ROCK1: variants seen among roughly 807,000 people sequenced by gnomAD.
ROCK1 encodes rho-associated protein kinase 1.
Under a neutral mutation model 196.8 loss-of-function variants are expected in ROCK1, and 36 were observed. The ratio of observed to expected loss-of-function variants is 0.18; its 90% CI spans 0.14 to 0.24. The LOEUF is 0.24. Ranked by LOEUF, ROCK1 falls within the 10% of genes least tolerant of loss-of-function variation. The pLI is 1.00. For synonymous variants in ROCK1, 443 were observed against 515.9 expected, an observed-to-expected ratio of 0.86 and a Z score of 1.91; for missense variants, 920 against 1,562.0, an observed-to-expected ratio of 0.59 and a Z score of 6.93.
At chr18:21,094,446 A>C (rs1479033307) in intron 1 of ROCK1, among the ~76,000 whole-genome samples, 3 of 152,150 alleles carry the variant, frequency 2.0e-5, no homozygotes, top group African/African-American at 7.2e-5. Context: ...AAATGGGCAA[A>C]GGATCTGAAT....
At chr18:20,998,597 CT>C (rs541265477) in intron 16 of ROCK1, among the ~76,000 whole-genome samples, 2,595 of 97,306 alleles carry the variant, frequency 0.027, 7 homozygotes, top group Middle Eastern at 0.052. Flanking sequence ...TTTTACCAAA[CT>C]TTTTTTTTTT....
At chr18:21,059,989 T>C (rs2143534149) in intron 2 of ROCK1, among the ~76,000 whole-genome samples, 1 of 152,322 alleles carries the variant, frequency 6.6e-6, no homozygotes, top group Admixed American at 6.5e-5. Context: ...TCGGCAAATC[T>C]ATAGAGACAG....
intron 12 of ROCK1, 43 bp downstream of exon 12, chr18:21,020,108 T>C: frequency 8.8e-7 from 1 of 1,139,704 alleles, no homozygotes; most frequent in Non-Finnish European, 1.3e-6. Context: ...AAGTATTTGG[T>C]ATATAAAACT....
rs1372203981 is a variant in ROCK1, at chr18:20,950,031, T to G, written c.*1353A>C. On this transcript the variant is annotated 3_prime_UTR_variant, in exon 33 of 33. Coordinates refer to ENST00000399799, the MANE Select transcript of ROCK1 (RefSeq NM_005406.3). ...TAGAGACGATCGGTTTTCCAGTGCT[T>G]CTTATCTGATACACATTACTGCAAA... The G allele has an allele frequency of 5.2e-5, 8 of 152,674 alleles. No homozygotes were observed. The highest frequency in any genetic ancestry group is 8.8e-5 in the Non-Finnish European group (6 of 68,050). The allele number at this position is 152,674 out of a possible 1,614,324, so 9.5% of individuals were successfully genotyped here.
At chr18:21,078,417 GTTA>G (rs1489567067) in intron 1 of ROCK1, among the ~76,000 whole-genome samples, 2 of 151,390 alleles carry the variant, frequency 1.3e-5, no homozygotes, top group East Asian at 3.9e-4. Flanking sequence ...TGTGGTAGGA[GTTA>G]TTAAGAAATT....
At chr18:21,043,099 A>G (rs2036121422) in intron 6 of ROCK1, among the ~76,000 whole-genome samples, 1 of 152,138 alleles carries the variant, frequency 6.6e-6, no homozygotes, top group Non-Finnish European at 1.5e-5. Context: ...ACAAGTACAC[A>G]GGCCAGTGCA....
chr18:20,967,491 C>CA (rs1415036833), intron 26 of ROCK1, among the ~76,000 whole-genome samples: 1 of 151,964 alleles, frequency 6.6e-6, no homozygotes, highest in Non-Finnish European at 1.5e-5. Flanking sequence ...CAAGGGGTAT[C>CA]AAAAAATTAA....
At chr18:21,050,402 C>T (rs2036194418) in intron 2 of ROCK1, among the ~76,000 whole-genome samples, 1 of 150,450 alleles carries the variant, frequency 6.6e-6, no homozygotes, top group Non-Finnish European at 1.5e-5. Flanking sequence ...TATAGCATTA[C>T]ATTTCTCTAT....
chr18:21,110,950 CA>C lies in ROCK1; in HGVS notation c.-41del, dbSNP rs2036745971. On this transcript the variant is annotated 5_prime_UTR_variant, in exon 1 of 33. Coordinates refer to ENST00000399799, the MANE Select transcript of ROCK1 (RefSeq NM_005406.3). The stretch of plus-strand genomic sequence containing the variant: ...GACAATGCCCTCTTACCAGCACCAG[CA>C]GCGGAAAGCAATTTCAACCAACTTC... 6.5e-7 allele frequency: 1 copy of C among 1,540,604 alleles called. No homozygotes were observed. The highest frequency in any genetic ancestry group is 1.7e-5 in the Admixed American group (1 of 59,148).
At chr18:21,067,772 G>A (rs1459407927) in intron 2 of ROCK1, among the ~76,000 whole-genome samples, 2 of 152,112 alleles carry the variant, frequency 1.3e-5, no homozygotes, top group African/African-American at 4.8e-5. Context: ...TTTGTTGCTT[G>A]TGCTTTTGGT....
intron 9 of ROCK1, among the ~76,000 whole-genome samples, chr18:21,032,104 C>T (rs1201590752): frequency 6.6e-6 from 1 of 152,126 alleles, no homozygotes; most frequent in East Asian, 1.9e-4. Flanking sequence ...TATAAATCTA[C>T]ACATCCAAGA....
intron 5 of ROCK1, 61 bp from the exon 6 acceptor site, chr18:21,044,247 T>C: frequency 1.6e-6 from 2 of 1,255,300 alleles, no homozygotes; most frequent in South Asian, 1.3e-5. Context: ...GTAAAAATTA[T>C]ATGAGGCAGT....
At chr18:20,978,244 T>A (rs2035498224) in intron 22 of ROCK1, among the ~76,000 whole-genome samples, 1 of 151,054 alleles carries the variant, frequency 6.6e-6, no homozygotes, top group Non-Finnish European at 1.5e-5. Flanking sequence ...AGTGAGTATC[T>A]CCAGTTTGCA....
At chr18:21,027,750 A>ATTTT (rs751964514) in intron 10 of ROCK1, among the ~76,000 whole-genome samples, 47 of 95,326 alleles carry the variant, frequency 4.9e-4, no homozygotes, top group African/African-American at 6.5e-4. Context: ...GAATCACTTA[A>ATTTT]TTTTTTTTTT....
At chr18:20,964,076 T>C (rs2035351076) in intron 27 of ROCK1, among the ~76,000 whole-genome samples, 1 of 152,066 alleles carries the variant, frequency 6.6e-6, no homozygotes, top group Non-Finnish European at 1.5e-5. Context: ...TACTGAATGA[T>C]GAAATATAAG....
chr18:20,996,167 A>G (rs115725188), intron 16 of ROCK1, among the ~76,000 whole-genome samples: 4,534 of 152,292 alleles, frequency 0.03, 100 homozygotes, highest in Non-Finnish European at 0.047. Context: ...GAAATTCAAG[A>G]TAAAACAAAG....
intron 9 of ROCK1, among the ~76,000 whole-genome samples, chr18:21,031,524 G>A (rs1489773241): frequency 6.9e-6 from 1 of 145,362 alleles, no homozygotes; most frequent in African/African-American, 2.5e-5. Context: ...AGAATGGCGT[G>A]AACCCAGGAG....
intron 1 of ROCK1, among the ~76,000 whole-genome samples, chr18:21,072,934 G>A (rs2036397487): frequency 6.6e-6 from 1 of 151,612 alleles, no homozygotes; most frequent in Non-Finnish European, 1.5e-5. Flanking sequence ...AGTCAGGCAT[G>A]GTGGTGGTGG....
At chr18:20,995,993 C>A (rs911195708) in intron 16 of ROCK1, among the ~76,000 whole-genome samples, 1 of 152,112 alleles carries the variant, frequency 6.6e-6, no homozygotes, top group Non-Finnish European at 1.5e-5. Context: ...CCTAACTCTT[C>A]AATGCCCAGA....
Sources: allele counts gnomAD v4.1 joint callset (sites outside exome capture counted in the v4.1 genomes callset), GRCh38; gene constraint gnomAD v4.1.1; transcripts MANE v1.5; gene names NCBI Gene and HGNC (gene_info 2026-07-23, HGNC 2026-07-21).